Variants in CEP63 observed in about 807,000 individuals in gnomAD.
CEP63 encodes the protein centrosomal protein 63, also known as centrosomal protein of 63 kDa.
In CEP63, 84 loss-of-function variants were observed where a neutral mutation model predicts 89.1. That is an observed-to-expected ratio of 0.94 (90% CI 0.79 to 1.13). The LOEUF (loss-of-function observed/expected upper bound fraction) is 1.13. Ranked by LOEUF, CEP63 falls within the 50% of genes most tolerant of loss-of-function variation. CEP63 has a pLI of 0.00. For missense variants in CEP63, 838 were observed against 813.3 expected (o/e 1.03, Z -0.37); for synonymous variants, 267 against 272.5 (o/e 0.98, Z 0.20).
chr3:134,666,087 T>C, the CEP63 span, among the ~76,000 whole-genome samples: 3 of 151,694 alleles, frequency 2.0e-5, no homozygotes, highest in Non-Finnish European at 2.9e-5. Context: ...CTGAGACAGA[T>C]TGAGAGGGTG....
At chr3:134,643,957 G>A in the CEP63 span, among the ~76,000 whole-genome samples, 5,234 of 152,058 alleles carry the variant, frequency 0.034, 307 homozygotes, top group African/African-American at 0.12. Flanking sequence ...CTCCGGAGCA[G>A]CTGGGACTAC....
intron 2 of CEP63, among the ~76,000 whole-genome samples, chr3:134,505,916 G>A (rs550102215): frequency 6.6e-6 from 1 of 152,256 alleles, no homozygotes; most frequent in East Asian, 1.9e-4. Flanking sequence ...TGTGCTTTGG[G>A]TACAGAAGCA....
chr3:134,745,028 A>G, the CEP63 span, among the ~76,000 whole-genome samples: 1 of 152,208 alleles, frequency 6.6e-6, no homozygotes, highest in African/African-American at 2.4e-5. Flanking sequence ...CAATCAAGGT[A>G]GTGAACATAC....
chr3:134,567,126 G>T (rs55913793), downstream of CEP63, among the ~76,000 whole-genome samples: 99,206 of 150,550 alleles, frequency 0.66, 33,046 homozygotes, highest in East Asian at 0.81. Flanking sequence ...CCACAGCATG[G>T]ATGAACCTTG....
chr3:134,683,661 G>C, the CEP63 span, among the ~76,000 whole-genome samples: 1 of 151,960 alleles, frequency 6.6e-6, no homozygotes, highest in African/African-American at 2.4e-5. Flanking sequence ...CATGGGGTTT[G>C]AATGATGTAA....
the CEP63 span, among the ~76,000 whole-genome samples, chr3:134,702,151 T>G: frequency 6.6e-6 from 1 of 152,006 alleles, no homozygotes; most frequent in Non-Finnish European, 1.5e-5. Flanking sequence ...GGAACACAGT[T>G]AACAGGGGAA....
At chr3:134,619,217 G>T in the CEP63 span, 2 of 1,613,836 alleles carry the variant, frequency 1.2e-6, no homozygotes, top group African/African-American at 1.3e-5. Context: ...GATGTCAGTG[G>T]GTTTGAAGGC....
chr3:134,721,625 A>G, the CEP63 span, among the ~76,000 whole-genome samples: 1 of 152,116 alleles, frequency 6.6e-6, no homozygotes. Context: ...AATTTCCTTA[A>G]TCGGATTGAG....
chr3:134,628,871 A>G, the CEP63 span, among the ~76,000 whole-genome samples: 1 of 152,166 alleles, frequency 6.6e-6, no homozygotes, highest in Non-Finnish European at 1.5e-5. Flanking sequence ...TTTACAGTAG[A>G]CTACTTTCTT....
intron 14 of CEP63, among the ~76,000 whole-genome samples, chr3:134,559,913 C>T (rs1472597837): frequency 6.6e-6 from 1 of 152,230 alleles, no homozygotes; most frequent in East Asian, 1.9e-4. Context: ...GGACACCATG[C>T]CGGTCCCTTG....
the CEP63 span, among the ~76,000 whole-genome samples, chr3:134,718,537 T>C: frequency 6.6e-6 from 1 of 152,224 alleles, no homozygotes; most frequent in Non-Finnish European, 1.5e-5. Context: ...CGTTCAATTT[T>C]TGTTCTGCCC....
chr3:134,571,112 T>C (rs1232785437), intron 11 of CEP63, among the ~76,000 whole-genome samples: 1 of 152,138 alleles, frequency 6.6e-6, no homozygotes, highest in East Asian at 1.9e-4. Flanking sequence ...CACAACCAAA[T>C]CACATCAAGT....
chr3:134,544,896 G>A (rs1468128557), intron 6 of CEP63, among the ~76,000 whole-genome samples: 2 of 152,050 alleles, frequency 1.3e-5, no homozygotes, highest in Non-Finnish European at 2.9e-5. Flanking sequence ...CACGCAGGCC[G>A]GAGTGCAGTG....
chr3:134,741,698 A>T, the CEP63 span, among the ~76,000 whole-genome samples: 1 of 152,248 alleles, frequency 6.6e-6, no homozygotes, highest in African/African-American at 2.4e-5. Context: ...TTAACCAACA[A>T]GTGATTTTAA....
intron 2 of CEP63, among the ~76,000 whole-genome samples, chr3:134,499,199 G>C (rs1941184659): frequency 6.6e-6 from 1 of 152,054 alleles, no homozygotes; most frequent in South Asian, 2.1e-4. Context: ...TTTATTCCTG[G>C]TTCAGTCATG....
intron 6 of CEP63, among the ~76,000 whole-genome samples, chr3:134,538,751 A>G (rs1324239238): frequency 6.6e-6 from 1 of 151,422 alleles, no homozygotes; most frequent in East Asian, 1.9e-4. Flanking sequence ...TAGCCTTCAG[A>G]TTGACAAAAA....
At chr3:134,624,602 G>C in the CEP63 span, among the ~76,000 whole-genome samples, 1 of 152,328 alleles carries the variant, frequency 6.6e-6, no homozygotes, top group Admixed American at 6.5e-5. Flanking sequence ...AGAGGCATGA[G>C]AGCATGGCAG....
chr3:134,681,550 CTGTT>C, the CEP63 span, among the ~76,000 whole-genome samples: 1 of 152,162 alleles, frequency 6.6e-6, no homozygotes, highest in African/African-American at 2.4e-5. Flanking sequence ...GCCTGCTCGA[CTGTT>C]TGTTAGTGGA....
the CEP63 span, among the ~76,000 whole-genome samples, chr3:134,702,715 A>G: frequency 6.6e-6 from 1 of 152,234 alleles, no homozygotes; most frequent in Non-Finnish European, 1.5e-5. Flanking sequence ...AACATTAAAT[A>G]AAGCTCAACA....
Sources: allele counts gnomAD v4.1 joint callset (sites outside exome capture counted in the v4.1 genomes callset), GRCh38; gene constraint gnomAD v4.1.1; transcripts MANE v1.5; gene names NCBI Gene and HGNC (gene_info 2026-07-23, HGNC 2026-07-21).